Variants in C1orf141 observed in about 807,000 individuals in gnomAD.
C1orf141 encodes the protein chromosome 1 open reading frame 141.
C1orf141 carries 19 observed loss-of-function variants against 23.2 expected under a neutral mutation model. The observed-to-expected ratio is 0.82, with a 90% CI of 0.57 to 1.20. C1orf141 has a LOEUF of 1.20. Among genes scored for constraint, C1orf141 ranks in the 50% most tolerant of loss-of-function variants. The pLI is 0.00. For synonymous variants in C1orf141, 153 were observed against 154.6 expected, an observed-to-expected ratio of 0.99 and a Z score of 0.08; for missense variants, 469 against 455.1, an observed-to-expected ratio of 1.03 and a Z score of -0.28.
At chr1:67,100,721 T>C (rs748412961) in intron 5 of C1orf141, among the ~76,000 whole-genome samples, 1 of 151,592 alleles carries the variant, frequency 6.6e-6, no homozygotes, top group Non-Finnish European at 1.5e-5. Context: ...GGGCTTATTA[T>C]TTGTCCAAAA....
Position 67,096,276 on chromosome 1 carries a change from A to G in C1orf141, c.392T>C (p.Leu131Pro). ...CCTTTTATTTCTATCACCTTCTAAGAGACCAACAGAATCCAATGGTTTCCT... is the reference window on the plus strand; with the variant it reads ...CCTTTTATTTCTATCACCTTCTAAGGGACCAACAGAATCCAATGGTTTCCT... Reference protein sequence around the residue: ...KPRKPLDSVGLLEGDRNKRKK... With the variant: ...KPRKPLDSVGPLEGDRNKRKK... The change falls in exon 6 of 8, where the codon CTC (leucine) becomes CCC (proline). Residue 131 changes from leucine to proline, a missense_variant. Around this residue, in one of 3 missense-constraint regions of C1orf141, gnomAD observed 370 missense variants for 348.1 expected, o/e 1.06. Transcript: ENST00000684719. 6.5e-7 allele frequency: 1 copy of G among 1,526,890 alleles called. No homozygotes were observed. Among genetic ancestry groups the G allele is most frequent in the Non-Finnish European group, 8.9e-7 (1 of 1,123,300 alleles). 94.6% of individuals were successfully genotyped at this position (1,526,890 alleles called of 1,614,324 possible). A position where few individuals can be genotyped will look rare whatever the true frequency, so the allele number is the denominator to read the frequency against.
intron 1 of C1orf141, among the ~76,000 whole-genome samples, chr1:67,140,418 C>T (rs973239186): frequency 6.6e-5 from 10 of 152,124 alleles, no homozygotes; most frequent in African/African-American, 2.4e-4. Context: ...AATATAGTCA[C>T]TTTATAAAAG....
upstream of C1orf141, among the ~76,000 whole-genome samples, chr1:67,138,338 C>T (rs370479926): frequency 1.1e-4 from 17 of 152,318 alleles, no homozygotes; most frequent in East Asian, 2.5e-3. Flanking sequence ...GACCTTCTGT[C>T]TCTTTTATTT....
intron 2 of C1orf141, 48 bp from the exon 3 acceptor site, chr1:67,127,305 CAT>C (rs1646433872): frequency 1.9e-6 from 2 of 1,080,692 alleles, no homozygotes; most frequent in Middle Eastern, 2.0e-4. Flanking sequence ...CAAATTTAAA[CAT>C]AAAACTAGGC....
chr1:67,109,443 G>A (rs1040019664), intron 5 of C1orf141, among the ~76,000 whole-genome samples: 2 of 151,878 alleles, frequency 1.3e-5, no homozygotes, highest in Non-Finnish European at 2.9e-5. Context: ...TAGGTAACAG[G>A]TCAAATTTAG....
At chr1:67,132,508 C>T (rs1285574510) in intron 1 of C1orf141, among the ~76,000 whole-genome samples, 2 of 151,080 alleles carry the variant, frequency 1.3e-5, no homozygotes, top group African/African-American at 4.9e-5. Flanking sequence ...GGGTGACGAG[C>T]GAGTCTCCAT....
At chr1:67,121,313 T>G (rs1646294833) in intron 4 of C1orf141, among the ~76,000 whole-genome samples, 1 of 152,212 alleles carries the variant, frequency 6.6e-6, no homozygotes, top group Admixed American at 6.5e-5. Context: ...TAAGGCATAC[T>G]TTTTTTGGTA....
chr1:67,094,586 T>A, intron 7 of C1orf141: 1 of 152,258 alleles, frequency 6.6e-6, no homozygotes, highest in East Asian at 1.9e-4. Context: ...CTTAGAGTAT[T>A]CCCTGCTCAG....
At chr1:67,135,345 T>C (rs1425747454), upstream of C1orf141, among the ~76,000 whole-genome samples, 1 of 152,184 alleles carries the variant, frequency 6.6e-6, no homozygotes, top group Non-Finnish European at 1.5e-5. Context: ...AAGTCAACAG[T>C]TTATATTTGA....
rs757418928 is a variant in C1orf141, at chr1:67,127,172, T to C, written c.69A>G (p.Arg23=). ...DKQAEIILAR[R]TKINRLQSEG... ...TAGCTTATACGTCACAAACCTTTGT[T>C]CTTCTGGCCAAGATTATCTCTGCTT... The change falls in exon 3 of 8, where the codon AGA becomes AGG. Residue 23 remains arginine, a synonymous_variant. Transcript: ENST00000684719. The C allele has an allele frequency of 1.2e-6, 2 of 1,605,238 alleles. No individual in the cohort carries two copies. The highest frequency in any genetic ancestry group is 1.3e-5 in the African/African-American group (1 of 74,656).
At chr1:67,121,624 T>A (rs949564790) in intron 4 of C1orf141, 2 of 152,202 alleles carry the variant, frequency 1.3e-5, no homozygotes, top group Non-Finnish European at 2.9e-5. Flanking sequence ...AGTATTATCT[T>A]TATTTTTGGT....
intron 5 of C1orf141, among the ~76,000 whole-genome samples, chr1:67,100,926 A>G (rs948226732): frequency 2.6e-5 from 4 of 152,106 alleles, no homozygotes; most frequent in African/African-American, 9.7e-5. Context: ...GGCACTGTAT[A>G]TTTTGTGAAA....
At chr1:67,131,786 C>CTTTTTTT (rs796496335) in intron 1 of C1orf141, among the ~76,000 whole-genome samples, 6 of 121,506 alleles carry the variant, frequency 4.9e-5, no homozygotes, top group Admixed American at 8.5e-5. Context: ...ACTACCTCTT[C>CTTTTTTT]TTTTTTTTTT....
At chr1:67,117,866 C>T (rs991654775) in intron 4 of C1orf141, among the ~76,000 whole-genome samples, 2 of 152,122 alleles carry the variant, frequency 1.3e-5, no homozygotes, top group African/African-American at 4.8e-5. Context: ...GAAGTTAGAC[C>T]TTACTTTGCA....
intron 5 of C1orf141, among the ~76,000 whole-genome samples, chr1:67,111,213 T>G (rs1021868030): frequency 6.6e-5 from 10 of 151,936 alleles, no homozygotes; most frequent in Non-Finnish European, 1.5e-4. Context: ...CAAAAAAAGG[T>G]CTTGGTTACA....
chr1:67,134,868 T>C (rs1428579826), intron 1 of C1orf141, 62 bp downstream of exon 1: 1 of 152,304 alleles, frequency 6.6e-6, no homozygotes, highest in Non-Finnish European at 1.5e-5. Flanking sequence ...CTATTTCGCC[T>C]CCCACCCTCA....
At chr1:67,120,057 C>T (rs1437207025) in intron 4 of C1orf141, among the ~76,000 whole-genome samples, 1 of 152,180 alleles carries the variant, frequency 6.6e-6, no homozygotes, top group Non-Finnish European at 1.5e-5. Flanking sequence ...GACCACTAGT[C>T]TAGTGAATCT....
In C1orf141 at chr1:67,095,329, T is replaced by C. The variant is rs758344473; in HGVS notation, c.509A>G (p.Lys170Arg). ...QLSKYRSVRK[K>R]SLLPLCFEDE... ...CTCAAAGCACAACGGGAGCAAGCTTTTCTTTCTTACTGACCTATACTTACT... is the reference window on the plus strand; with the variant it reads ...CTCAAAGCACAACGGGAGCAAGCTTCTCTTTCTTACTGACCTATACTTACT... The change falls in exon 7 of 8, where the codon AAA (lysine) becomes AGA (arginine). Residue 170 changes from lysine (K) to arginine (R), a missense_variant. By Grantham distance (26) the Lys-to-Arg change is conservative. Around this residue, in one of 3 missense-constraint regions of C1orf141, gnomAD observed 370 missense variants for 348.1 expected, o/e 1.06. Coordinates refer to ENST00000684719, the MANE Select transcript of C1orf141 (RefSeq NM_001276351.2). 6.2e-7 allele frequency: 1 copy of C among 1,600,614 alleles called. No individual in the cohort carries two copies. The highest frequency in any genetic ancestry group is 1.1e-5 in the South Asian group (1 of 90,256).
Position 67,095,986 on chromosome 1 carries a change from T to C in C1orf141, c.416+266A>G, listed in dbSNP as rs77157396. On this transcript the variant is annotated intron_variant, in intron 6 of 7. Transcript: ENST00000684719. ...AAGAAAAGCTACTTTTTCATGTCCA[T>C]GTTGTCATGTAAGTAAATGTGTGTA... is the stretch of plus-strand genomic sequence containing the variant. The C allele has an allele frequency of 1.6e-5, 4 of 249,314 alleles. No individual in the cohort carries two copies. In the East Asian group the frequency reaches 3.4e-4, roughly 21 times the overall value. 15.4% of individuals were successfully genotyped at this position (249,314 alleles called of 1,614,324 possible).
Sources: gnomAD v4.1 joint callset for allele counts (sites outside exome capture counted in the v4.1 genomes callset) on GRCh38, gnomAD v4.1.1 for gene constraint, gnomAD v4.1.1 regional missense constraint, MANE v1.5 for transcripts, NCBI Gene and HGNC (gene_info 2026-07-23, HGNC 2026-07-21) for gene names.